B3GALT1: variants seen among roughly 807,000 people sequenced by gnomAD.
B3GALT1 encodes beta-1,3-galactosyltransferase 1.
In B3GALT1, 10 loss-of-function variants were observed where a neutral mutation model predicts 23.2. The observed-to-expected ratio is 0.43, with a 90% CI of 0.27 to 0.73. B3GALT1 has a LOEUF of 0.73. Ranked by LOEUF, B3GALT1 falls within the 30% of genes least tolerant of loss-of-function variation. The pLI is 0.21. For synonymous variants in B3GALT1, 156 were observed against 141.5 expected (o/e 1.10, Z -0.73); for missense variants, 299 against 405.4 (o/e 0.74, Z 2.25).
chr2:167,352,106 T>C (rs928112698), intron 1 of B3GALT1, among the ~76,000 whole-genome samples: 13 of 150,830 alleles, frequency 8.6e-5, no homozygotes, highest in Non-Finnish European at 3.0e-5. Context: ...ATTACAGGAG[T>C]GCACCACCAT....
intron 1 of B3GALT1, among the ~76,000 whole-genome samples, chr2:167,304,705 G>T (rs915972057): frequency 1.3e-5 from 2 of 151,876 alleles, no homozygotes; most frequent in African/African-American, 4.8e-5. Flanking sequence ...ATAAGAATTG[G>T]CTCAGGAGAG....
chr2:167,746,971 C>A (rs1336551051), intron 3 of B3GALT1, among the ~76,000 whole-genome samples: 3 of 152,038 alleles, frequency 2.0e-5, no homozygotes, highest in African/African-American at 7.2e-5. Flanking sequence ...TTCTTTTGTG[C>A]CCTATGTTGC....
chr2:167,313,422 G>T (rs1331299204), intron 1 of B3GALT1, among the ~76,000 whole-genome samples: 3 of 152,238 alleles, frequency 2.0e-5, no homozygotes, highest in African/African-American at 7.2e-5. Flanking sequence ...TAATAGAATA[G>T]TTTTAATTTA....
Position 167,818,687 on chromosome 2 carries a change from T to C in B3GALT1, c.-336T>C, listed in dbSNP as rs1275870066. 6.6e-6 allele frequency among the ~76,000 whole-genome samples: 1 copy of C among 152,090 alleles called. No homozygotes were observed. Among genetic ancestry groups the C allele is most frequent in the Non-Finnish European group, 1.5e-5 (1 of 68,038 alleles). ...GTCCACTTAGGGCTACGCAGCTTGC[T>C]CCTGGCACGGGCACCTTGAATCTCC... On this transcript the variant is annotated 5_prime_UTR_variant, in exon 4 of 5. Transcript: ENST00000392690.
intron 4 of B3GALT1, among the ~76,000 whole-genome samples, chr2:167,829,349 G>C (rs1426789260): frequency 1.3e-5 from 2 of 152,022 alleles, no homozygotes; most frequent in Non-Finnish European, 2.9e-5. Flanking sequence ...TGGGCCTGGT[G>C]GCGGGTGCCT....
chr2:167,352,157 A>C (rs567265792), intron 1 of B3GALT1, among the ~76,000 whole-genome samples: 62 of 149,746 alleles, frequency 4.1e-4, no homozygotes, highest in Admixed American at 8.0e-4. Context: ...TTCGTAGAGA[A>C]GGGGTTTCCC....
At chr2:167,590,744 G>T (rs926720979) in intron 2 of B3GALT1, among the ~76,000 whole-genome samples, 4 of 151,970 alleles carry the variant, frequency 2.6e-5, no homozygotes, top group Non-Finnish European at 5.9e-5. Flanking sequence ...ATATTTTTTT[G>T]AAGAAATATA....
chr2:167,686,677 T>A (rs1455656060), intron 3 of B3GALT1, among the ~76,000 whole-genome samples: 1 of 152,228 alleles, frequency 6.6e-6, no homozygotes, highest in Non-Finnish European at 1.5e-5. Context: ...GTCACTGTAT[T>A]ATTTCTATTT....
At chr2:167,740,811 G>C (rs1687566812) in intron 3 of B3GALT1, among the ~76,000 whole-genome samples, 1 of 152,140 alleles carries the variant, frequency 6.6e-6, no homozygotes, top group Non-Finnish European at 1.5e-5. Flanking sequence ...TCTATCCTAA[G>C]TCAAAACTTG....
intron 2 of B3GALT1, among the ~76,000 whole-genome samples, chr2:167,522,898 G>A (rs1361941124): frequency 6.6e-6 from 1 of 152,162 alleles, no homozygotes; most frequent in Non-Finnish European, 1.5e-5. Context: ...TACAGTAAAA[G>A]CATTCTAAAG....
intron 3 of B3GALT1, among the ~76,000 whole-genome samples, chr2:167,688,004 T>C (rs1686645016): frequency 1.3e-5 from 2 of 152,270 alleles, no homozygotes; most frequent in East Asian, 3.9e-4. Context: ...TTTTCTATGC[T>C]AGAAATTCAT....
At chr2:167,607,419 G>A (rs1684984346) in intron 2 of B3GALT1, among the ~76,000 whole-genome samples, 1 of 152,126 alleles carries the variant, frequency 6.6e-6, no homozygotes, top group Non-Finnish European at 1.5e-5. Context: ...CTGCCTACCT[G>A]CAATTAGTCA....
At chr2:167,309,010 CAT>C (rs1696593607) in intron 1 of B3GALT1, among the ~76,000 whole-genome samples, 1 of 151,978 alleles carries the variant, frequency 6.6e-6, no homozygotes, top group Non-Finnish European at 1.5e-5. Flanking sequence ...GCAAATGTAA[CAT>C]ATTCAGTAAT....
chr2:167,527,125 C>T (rs959266694), intron 2 of B3GALT1, among the ~76,000 whole-genome samples: 1 of 152,058 alleles, frequency 6.6e-6, no homozygotes, highest in African/African-American at 2.4e-5. Flanking sequence ...TATAGTCCTA[C>T]TTTTTCTTTT....
At chr2:167,837,569 T>A (rs1164722228) in intron 4 of B3GALT1, among the ~76,000 whole-genome samples, 5 of 150,718 alleles carry the variant, frequency 3.3e-5, no homozygotes, top group Admixed American at 6.6e-5. Context: ...CTCCCACACA[T>A]TAATAATGGG....
chr2:167,458,477 A>G (rs772925913), intron 1 of B3GALT1, among the ~76,000 whole-genome samples: 1 of 152,210 alleles, frequency 6.6e-6, no homozygotes, highest in Non-Finnish European at 1.5e-5. Context: ...CATACCCAGA[A>G]GTGGAGTTGC....
intron 3 of B3GALT1, among the ~76,000 whole-genome samples, chr2:167,649,852 A>T (rs554801758): frequency 1.3e-5 from 2 of 152,162 alleles, no homozygotes; most frequent in East Asian, 3.9e-4. Context: ...TATAGATAAG[A>T]TCATTTCATC....
chr2:167,319,867 C>T (rs148383719), intron 1 of B3GALT1, among the ~76,000 whole-genome samples: 3 of 152,192 alleles, frequency 2.0e-5, no homozygotes, highest in Admixed American at 6.5e-5. Context: ...CTCCAGTAAG[C>T]TAGTGAATTA....
At chr2:167,498,900 T>C (rs1699811540) in intron 2 of B3GALT1, among the ~76,000 whole-genome samples, 2 of 152,134 alleles carry the variant, frequency 1.3e-5, no homozygotes, top group African/African-American at 4.8e-5. Flanking sequence ...ATCAGTGTGT[T>C]ACTTCTCTGA....
Sources: gnomAD v4.1 joint callset for allele counts (sites outside exome capture counted in the v4.1 genomes callset) on GRCh38, gnomAD v4.1.1 for gene constraint, MANE v1.5 for transcripts, NCBI Gene and HGNC (gene_info 2026-07-23, HGNC 2026-07-21) for gene names.